SPMIP2: variants seen among roughly 807,000 people sequenced by gnomAD.
SPMIP2 encodes the protein sperm microtubule inner protein 2.
At chr4:159,027,818 C>T in the SPMIP2 span, among the ~76,000 whole-genome samples, 1 of 152,174 alleles carries the variant, frequency 6.6e-6, no homozygotes, top group Non-Finnish European at 1.5e-5. Flanking sequence ...TTCAAAATTA[C>T]ATATACATTT....
At chr4:159,071,825 G>A in the SPMIP2 span, among the ~76,000 whole-genome samples, 3 of 152,110 alleles carry the variant, frequency 2.0e-5, no homozygotes, top group Non-Finnish European at 4.4e-5. Flanking sequence ...CAAAATCCTG[G>A]GTTGCAGGTT....
chr4:158,913,085 C>A, the SPMIP2 span, among the ~76,000 whole-genome samples: 2 of 152,300 alleles, frequency 1.3e-5, no homozygotes, highest in Admixed American at 1.3e-4. Flanking sequence ...TTATAAAAGA[C>A]CAGAGTGAGG....
At chr4:158,968,268 A>G in the SPMIP2 span, among the ~76,000 whole-genome samples, 6 of 152,144 alleles carry the variant, frequency 3.9e-5, no homozygotes, top group Non-Finnish European at 8.8e-5. Flanking sequence ...TCCTCAAATA[A>G]TCCATCCTCC....
At chr4:158,894,681 C>G in the SPMIP2 span, among the ~76,000 whole-genome samples, 2 of 152,060 alleles carry the variant, frequency 1.3e-5, no homozygotes, top group African/African-American at 4.8e-5. Context: ...CCATAAGGAA[C>G]TGAAAGCTAA....
chr4:159,019,307 A>AAAG, the SPMIP2 span, among the ~76,000 whole-genome samples: 1 of 150,802 alleles, frequency 6.6e-6, no homozygotes, highest in East Asian at 1.9e-4. Context: ...AAAAAAAAAA[A>AAAG]AAAAAAAGCA....
chr4:158,972,595 A>T, the SPMIP2 span, among the ~76,000 whole-genome samples: 1 of 152,216 alleles, frequency 6.6e-6, no homozygotes. Flanking sequence ...CCAAAAGGAA[A>T]TAAGACAAGG....
chr4:158,954,491 C>A, the SPMIP2 span, among the ~76,000 whole-genome samples: 1 of 152,194 alleles, frequency 6.6e-6, no homozygotes. Context: ...AAAGGAACTA[C>A]AAGAACACTG....
chr4:159,070,945 G>T, the SPMIP2 span, among the ~76,000 whole-genome samples: 5 of 152,124 alleles, frequency 3.3e-5, no homozygotes, highest in African/African-American at 1.2e-4. Flanking sequence ...CTGGATCTGC[G>T]CCAAGCCTCA....
the SPMIP2 span, among the ~76,000 whole-genome samples, chr4:159,081,164 AG>A: frequency 1.3e-5 from 2 of 151,622 alleles, no homozygotes; most frequent in South Asian, 4.2e-4. Flanking sequence ...CAGCCTCCCA[AG>A]TAGCTGGGAT....
the SPMIP2 span, among the ~76,000 whole-genome samples, chr4:158,903,823 C>G: frequency 1.3e-5 from 2 of 151,710 alleles, no homozygotes; most frequent in African/African-American, 4.8e-5. Flanking sequence ...TTTTTCATGA[C>G]ACCTGGCATC....
the SPMIP2 span, chr4:158,915,309 G>T: frequency 2.5e-6 from 4 of 1,613,472 alleles, no homozygotes; most frequent in Non-Finnish European, 3.4e-6. Context: ...CCAGGCAAAA[G>T]AAGCGCGACT....
At chr4:159,055,841 G>A in the SPMIP2 span, among the ~76,000 whole-genome samples, 1 of 152,182 alleles carries the variant, frequency 6.6e-6, no homozygotes, top group African/African-American at 2.4e-5. Context: ...TGGATACTAG[G>A]GAAATAGGGG....
the SPMIP2 span, among the ~76,000 whole-genome samples, chr4:159,032,181 C>T: frequency 1.3e-5 from 2 of 152,032 alleles, no homozygotes; most frequent in Non-Finnish European, 2.9e-5. Context: ...GAGATCATAC[C>T]ACTGCACTCC....
the SPMIP2 span, among the ~76,000 whole-genome samples, chr4:158,938,161 G>A: frequency 8.4e-3 from 1,277 of 152,238 alleles, 18 homozygotes; most frequent in African/African-American, 0.029. Flanking sequence ...AAATGAAATC[G>A]CTCCCCGAAG....
the SPMIP2 span, among the ~76,000 whole-genome samples, chr4:159,078,091 T>G: frequency 6.6e-6 from 1 of 152,292 alleles, no homozygotes; most frequent in Admixed American, 6.5e-5. Context: ...AAATCTAAAC[T>G]TTGATTTTAT....
the SPMIP2 span, among the ~76,000 whole-genome samples, chr4:159,059,812 C>G: frequency 5.3e-5 from 8 of 152,190 alleles, no homozygotes; most frequent in Non-Finnish European, 8.8e-5. Context: ...AAAAATGAGG[C>G]AAAGGCCTGG....
chr4:158,941,293 T>C, the SPMIP2 span, among the ~76,000 whole-genome samples: 2 of 152,322 alleles, frequency 1.3e-5, no homozygotes, highest in Non-Finnish European at 2.9e-5. Flanking sequence ...CATTATATGA[T>C]TGATCATTTA....
At chr4:159,040,120 T>C in the SPMIP2 span, among the ~76,000 whole-genome samples, 2 of 151,378 alleles carry the variant, frequency 1.3e-5, no homozygotes, top group African/African-American at 4.9e-5. Context: ...GTATAGTACT[T>C]AAATATATAT....
chr4:158,974,855 C>T, the SPMIP2 span, among the ~76,000 whole-genome samples: 3 of 152,106 alleles, frequency 2.0e-5, no homozygotes, highest in African/African-American at 7.2e-5. Flanking sequence ...AATGGTATTT[C>T]CAGTTCTAGA....
Sources: allele counts gnomAD v4.1 joint callset (sites outside exome capture counted in the v4.1 genomes callset), GRCh38; gene constraint gnomAD v4.1.1; transcripts MANE v1.5; gene names NCBI Gene and HGNC (gene_info 2026-07-23, HGNC 2026-07-21).